CDCP1: variants seen among roughly 807,000 people sequenced by gnomAD.
The protein encoded by CDCP1 is CUB domain containing protein 1.
A neutral mutation model predicts 60.2 loss-of-function variants in CDCP1; 29 were observed. The observed-to-expected ratio is 0.48, with a 90% CI of 0.36 to 0.66. The LOEUF (loss-of-function observed/expected upper bound fraction) is 0.66. Among genes scored for constraint, CDCP1 ranks in the 30% least tolerant of loss-of-function variants. The pLI, the probability that CDCP1 is intolerant of heterozygous loss-of-function variation, is 0.00. For synonymous variants in CDCP1, 387 were observed against 431.1 expected (o/e 0.90, Z 1.27); for missense variants, 876 against 1,074.3 (o/e 0.82, Z 2.58).
chr3:45,125,945 T>C (rs905035110), intron 1 of CDCP1, among the ~76,000 whole-genome samples: 1 of 152,172 alleles, frequency 6.6e-6, no homozygotes, highest in Non-Finnish European at 1.5e-5. Flanking sequence ...TTCTCCAAGT[T>C]TGCTGAACTC....
At chr3:45,098,415 C>T (rs916415075) in intron 4 of CDCP1, among the ~76,000 whole-genome samples, 1 of 152,032 alleles carries the variant, frequency 6.6e-6, no homozygotes, top group African/African-American at 2.4e-5. Flanking sequence ...ATAACAAATC[C>T]GTGACTGTGG....
chr3:45,146,441 G>T, upstream of CDCP1: 1 of 564,464 alleles, frequency 1.8e-6, no homozygotes, highest in Non-Finnish European at 3.0e-6. Context: ...AGGATCGCGA[G>T]CTGACCCGGT....
At chr3:45,135,376 TC>T (rs1699176174) in intron 1 of CDCP1, among the ~76,000 whole-genome samples, 1 of 151,996 alleles carries the variant, frequency 6.6e-6, no homozygotes, top group African/African-American at 2.4e-5. Context: ...CTGCATTCCT[TC>T]CTTACAGTAG....
chr3:45,125,307 C>T (rs1236731053), intron 1 of CDCP1, among the ~76,000 whole-genome samples: 2 of 152,154 alleles, frequency 1.3e-5, no homozygotes, highest in Non-Finnish European at 2.9e-5. Context: ...GTTTGGGCTT[C>T]ACCCACTGGG....
In CDCP1 at chr3:45,093,323, C is replaced by T; in HGVS notation, c.1581G>A (p.Glu527=). 3 of 1,614,198 alleles carry T rather than the reference C, an allele frequency of 1.9e-6. No homozygotes were observed. Among genetic ancestry groups the T allele is most frequent in the Non-Finnish European group, 2.5e-6 (3 of 1,180,036 alleles). Reference sequence around the variant, plus strand: ...ACACCGTCAGACCCTGCCTGGAGGCCTCTTGTTGGAAGCTGGGGGCAAAGG... The same window carrying T: ...ACACCGTCAGACCCTGCCTGGAGGCTTCTTGTTGGAAGCTGGGGGCAAAGG... The part of the protein sequence containing the change: ...LRTFAPSFQQ[E]ASRQGLTVSF... The change falls in exon 6 of 9, where the codon GAG becomes GAA. Residue 527 remains glutamate (E), a synonymous_variant. Transcript: ENST00000296129.
chr3:45,143,096 CAGGAGGCTG>C (rs1699321959), intron 1 of CDCP1, among the ~76,000 whole-genome samples: 4 of 152,100 alleles, frequency 2.6e-5, no homozygotes. Flanking sequence ...CCCAGCTACT[CAGGAGGCTG>C]AGGTAGGAGA....
chr3:45,146,277 A>G lies in CDCP1; in HGVS notation c.11T>C (p.Leu4Pro). ...CAGTGCGATAGAGACCCCGCAGTTC[A>G]GGCCGGCCATGACTCCGGGACGCCT... is the stretch of plus-strand genomic sequence containing the variant. MAGLNCGVSIALLG... is the reference protein window; with the variant it reads MAGPNCGVSIALLG... The change falls in exon 1 of 9, where the codon CTG (leucine) becomes CCG (proline). Residue 4 changes from leucine to proline, a missense_variant. Around this residue, in one of 2 missense-constraint regions of CDCP1, gnomAD observed 150 missense variants for 138.6 expected, o/e 1.08. Coordinates refer to ENST00000296129, the MANE Select transcript of CDCP1 (RefSeq NM_022842.5). 1.3e-6 allele frequency: 2 copies of G among 1,583,064 alleles called. No individual in the cohort carries two copies. The highest frequency in any genetic ancestry group is 2.5e-5 in the East Asian group (1 of 40,440).
chr3:45,132,287 A>G (rs1203454517), intron 1 of CDCP1, among the ~76,000 whole-genome samples: 1 of 152,144 alleles, frequency 6.6e-6, no homozygotes, highest in African/African-American at 2.4e-5. Context: ...GTCTGAACAT[A>G]AGCCATGAGC....
chr3:45,122,309 A>G (rs528974373), intron 1 of CDCP1, among the ~76,000 whole-genome samples: 1 of 151,992 alleles, frequency 6.6e-6, no homozygotes, highest in African/African-American at 2.4e-5. Flanking sequence ...ACGCTCAGCT[A>G]ATTTTTGTAT....
intron 3 of CDCP1, among the ~76,000 whole-genome samples, chr3:45,111,838 C>T (rs1313329578): frequency 6.6e-6 from 1 of 152,200 alleles, no homozygotes; most frequent in East Asian, 1.9e-4. Context: ...AATCCCTTGT[C>T]ATTTTTTTGA....
rs565270169 is a variant in CDCP1 at position 45,142,065 on chromosome 3, T to G, written c.82+4141A>C. Among the ~76,000 whole-genome samples the G allele has an allele frequency of 2.4e-3, 368 of 152,226 alleles. 3 individuals are homozygous for G. Among genetic ancestry groups the G allele is most frequent in the African/African-American group, 8.3e-3 (345 of 41,542 alleles). On this transcript the variant is annotated intron_variant, in intron 1 of 8. Coordinates refer to ENST00000296129, the MANE Select transcript of CDCP1 (RefSeq NM_022842.5). ...CCGGGCTGGTCTTGAACTCCTAACC[T>G]CATGTGATCTGCCCCCCTCAGCATC...
At chr3:45,093,159 CA>C (rs1698325172) in intron 6 of CDCP1, 117 bp downstream of exon 6, 2 of 1,142,402 alleles carry the variant, frequency 1.8e-6, no homozygotes, top group Non-Finnish European at 2.5e-6. Flanking sequence ...GTGCAAGGAC[CA>C]GCATATTGAG....
intron 3 of CDCP1, among the ~76,000 whole-genome samples, chr3:45,111,298 AATTT>A (rs1179142598): frequency 6.6e-6 from 1 of 152,244 alleles, no homozygotes; most frequent in Non-Finnish European, 1.5e-5. Flanking sequence ...TTTTAAAAAT[AATTT>A]ATTTAATTAT....
At chr3:45,113,769 A>G (rs753251264) in intron 2 of CDCP1, among the ~76,000 whole-genome samples, 2 of 152,212 alleles carry the variant, frequency 1.3e-5, no homozygotes, top group African/African-American at 2.4e-5. Flanking sequence ...CTGTCTAACC[A>G]ATAACACAGG....
At chr3:45,145,169 G>A (rs996688523) in intron 1 of CDCP1, among the ~76,000 whole-genome samples, 2 of 151,908 alleles carry the variant, frequency 1.3e-5, no homozygotes, top group Admixed American at 1.3e-4. Flanking sequence ...GCAGTCACCG[G>A]GACGCCCAAA....
intron 1 of CDCP1, among the ~76,000 whole-genome samples, chr3:45,122,527 T>C (rs1453942343): frequency 1.3e-5 from 2 of 152,010 alleles, no homozygotes; most frequent in Non-Finnish European, 2.9e-5. Context: ...AATGGCGTGA[T>C]CTTGGCAACC....
At chr3:45,089,419 T>G (rs763671731) in intron 7 of CDCP1, among the ~76,000 whole-genome samples, 1 of 152,210 alleles carries the variant, frequency 6.6e-6, no homozygotes, top group African/African-American at 2.4e-5. Context: ...CCAGCTACTA[T>G]GTAAGAAGTC....
intron 1 of CDCP1, among the ~76,000 whole-genome samples, chr3:45,135,045 G>A (rs567005710): frequency 1.3e-5 from 2 of 152,300 alleles, no homozygotes; most frequent in African/African-American, 4.8e-5. Flanking sequence ...TTAAGTCAAC[G>A]AGGACAGCCA....
At chr3:45,087,531 CCT>C (rs2125988531) in intron 8 of CDCP1, among the ~76,000 whole-genome samples, 1 of 152,282 alleles carries the variant, frequency 6.6e-6, no homozygotes, top group South Asian at 2.1e-4. Context: ...GGGAAAATTC[CCT>C]GAGAGAAACA....
Sources: allele counts gnomAD v4.1 joint callset (sites outside exome capture counted in the v4.1 genomes callset), GRCh38; gene constraint gnomAD v4.1.1; regional missense constraint gnomAD v4.1.1; transcripts MANE v1.5; gene names NCBI Gene and HGNC (gene_info 2026-07-23, HGNC 2026-07-21).